TCTN2: variants seen among roughly 807,000 people sequenced by gnomAD.
TCTN2 encodes tectonic family member 2, also known as tectonic-2.
A neutral mutation model predicts 83.4 loss-of-function variants in TCTN2; 66 were observed. The ratio of observed to expected loss-of-function variants is 0.79; its 90% CI spans 0.65 to 0.97. The LOEUF is 0.97. Ranked by LOEUF, TCTN2 falls within the 50% of genes least tolerant of loss-of-function variation. The probability of loss-of-function intolerance (pLI) is 0.00; values close to 1 mark genes in which losing one functional copy is unlikely to be tolerated. For missense variants in TCTN2, 794 were observed against 858.1 expected (o/e 0.93, Z 0.93); for synonymous variants, 301 against 326.7 (o/e 0.92, Z 0.85).
chr12:123,697,786 G>A (rs1469965396), intron 13 of TCTN2, among the ~76,000 whole-genome samples: 1 of 151,614 alleles, frequency 6.6e-6, no homozygotes, highest in African/African-American at 2.4e-5. Context: ...AAGCCACCGC[G>A]CCTGGCCTCA....
intron 17 of TCTN2, chr12:123,707,383 A>G: frequency 1.6e-6 from 1 of 636,984 alleles, no homozygotes; most frequent in Non-Finnish European, 2.8e-6. Context: ...AGTAGCTGGG[A>G]TTACAGCACC....
chr12:123,671,370 T>C lies in TCTN2; in HGVS notation c.82+48T>C, dbSNP rs758293437. ...CTCGGTGGGCCGGGGCTGAGGGGAC[T>C]GGGCGTTAAAAGGGCCAGACTTGGA... is the stretch of plus-strand genomic sequence containing the variant. On this transcript the variant is annotated intron_variant, in intron 1 of 17. Transcript: ENST00000303372. 6 of 1,606,428 alleles carry C rather than the reference T, an allele frequency of 3.7e-6. No homozygotes were observed. In the South Asian group the frequency reaches 6.6e-5, roughly 18 times the overall value.
intron 5 of TCTN2, 147 bp from the exon 6 acceptor site, chr12:123,686,689 A>G (rs1289346643): frequency 3.9e-6 from 3 of 765,778 alleles, no homozygotes; most frequent in African/African-American, 1.7e-5. Context: ...TTGTGGGCAC[A>G]AGGCACTTTT....
intron 12 of TCTN2, 177 bp from the exon 13 acceptor site, chr12:123,696,910 G>A (rs184391191): frequency 9.9e-6 from 6 of 608,248 alleles, no homozygotes; most frequent in Admixed American, 5.5e-5. Context: ...GATCTGAGAA[G>A]TCTGATAAAG....
chr12:123,677,315 C>T (rs1593835340), intron 4 of TCTN2, among the ~76,000 whole-genome samples: 2 of 152,276 alleles, frequency 1.3e-5, no homozygotes, highest in African/African-American at 4.8e-5. Context: ...TATCATTGAC[C>T]TTCTGCTATG....
At chr12:123,687,393 C>T (rs1039132149) in intron 6 of TCTN2, among the ~76,000 whole-genome samples, 2 of 152,218 alleles carry the variant, frequency 1.3e-5, no homozygotes, top group African/African-American at 2.4e-5. Context: ...AGCGGTGGCT[C>T]ACGCCTGTAA....
chr12:123,704,544 CT>C lies in TCTN2; in HGVS notation c.1626del (p.Asp543IlefsTer11), dbSNP rs863225220. On this transcript the variant is annotated frameshift_variant, in exon 15 of 18. Coordinates refer to ENST00000303372, the MANE Select transcript of TCTN2 (RefSeq NM_024809.5). LOFTEE classifies it high-confidence loss of function. ...AACATTTCTATAGGTGTAGATGCCC[CT>C]GATCCAGGTGCAGACCCGCTGGCTA... ...GWLEIIRVDA[P>X]DPGADPLASS... 1.4e-5 allele frequency: 22 copies of C among 1,610,796 alleles called. No individual in the cohort carries two copies. Among genetic ancestry groups the C allele is most frequent in the Non-Finnish European group, 1.7e-5 (20 of 1,178,842 alleles).
chr12:123,695,914 G>T, intron 11 of TCTN2: 1 of 170,956 alleles, frequency 5.8e-6, no homozygotes, highest in South Asian at 1.4e-4. Flanking sequence ...CACGATTTGG[G>T]CTCACTGCAA....
chr12:123,696,571 C>A, intron 12 of TCTN2, 76 bp downstream of exon 12: 2 of 1,307,622 alleles, frequency 1.5e-6, no homozygotes, highest in South Asian at 1.2e-5. Context: ...TGAATCTAAT[C>A]AAGCAATCAA....
intron 9 of TCTN2, among the ~76,000 whole-genome samples, chr12:123,693,873 A>AAT (rs1372328682): frequency 1.3e-5 from 2 of 151,388 alleles, no homozygotes. Context: ...GCTGGAGTGC[A>AAT]ATAGGGTGAT....
chr12:123,671,207 G>T lies in TCTN2; in HGVS notation c.-34G>T. The T allele has an allele frequency of 1.9e-6, 3 of 1,597,470 alleles. No individual in the cohort carries two copies. The highest frequency in any genetic ancestry group is 2.6e-6 in the Non-Finnish European group (3 of 1,171,820). On this transcript the variant is annotated 5_prime_UTR_variant, in exon 1 of 18. Transcript: ENST00000303372. ...CCTTCCTGGGTTCTAATGAGGGCGC[G>T]GTTCTGCTGTGCCCGGCCCGCGAGG...
rs1956020709 is a variant in TCTN2 at position 123,689,836 on chromosome 12, G to A, written c.892-697G>A. On this transcript the variant is annotated intron_variant, in intron 7 of 17. Transcript: ENST00000303372. ...TGAATGAATGACAGGGTCTTGCTCT[G>A]TCGCCCAGGCTGGAGTGTAGTGAGT... 2.0e-5 allele frequency among the ~76,000 whole-genome samples: 3 copies of A among 152,204 alleles called. No homozygotes were observed. In the South Asian group the frequency reaches 6.2e-4, roughly 31 times the overall value.
At chr12:123,674,221 C>T (rs1448394043) in intron 4 of TCTN2, among the ~76,000 whole-genome samples, 1 of 151,764 alleles carries the variant, frequency 6.6e-6, no homozygotes, top group Non-Finnish European at 1.5e-5. Flanking sequence ...TCTTTATAAG[C>T]TACCTTGAAT....
At chr12:123,674,225 C>A (rs1955792359) in intron 4 of TCTN2, among the ~76,000 whole-genome samples, 1 of 151,354 alleles carries the variant, frequency 6.6e-6, no homozygotes, top group Admixed American at 6.6e-5. Context: ...TATAAGCTAC[C>A]TTGAATCCTT....
intron 8 of TCTN2, among the ~76,000 whole-genome samples, chr12:123,691,123 C>T (rs1956035914): frequency 6.6e-6 from 1 of 152,154 alleles, no homozygotes; most frequent in Admixed American, 6.6e-5. Context: ...CTCTCCTAGG[C>T]CTCCCAAAGT....
intron 9 of TCTN2, 138 bp downstream of exon 9, chr12:123,692,861 C>A: frequency 1.3e-6 from 1 of 761,706 alleles, no homozygotes; most frequent in Non-Finnish European, 2.3e-6. Context: ...CTGCCAGGAA[C>A]ATTTCATTTG....
chr12:123,703,489 ATTTTT>A (rs1956195961), intron 14 of TCTN2, among the ~76,000 whole-genome samples: 1 of 151,448 alleles, frequency 6.6e-6, no homozygotes, highest in Non-Finnish European at 1.5e-5. Flanking sequence ...ACTGATTTTT[ATTTTT>A]ATTTTTTGAG....
At chr12:123,694,437 C>A (rs1273641441) in intron 9 of TCTN2, among the ~76,000 whole-genome samples, 2 of 152,236 alleles carry the variant, frequency 1.3e-5, no homozygotes, top group African/African-American at 4.8e-5. Flanking sequence ...CAAATTTATT[C>A]ATTGGCTCAT....
At position 123,688,066 on chromosome 12, in the gene TCTN2, C is replaced by T. The variant is rs755565511; in HGVS notation, c.780C>T (p.Asp260=). The change falls in exon 7 of 18, where the codon GAC becomes GAT. Residue 260 remains aspartate (D), a synonymous_variant. Coordinates refer to ENST00000303372, the MANE Select transcript of TCTN2 (RefSeq NM_024809.5). ...TGATTTTCAGTTCCCCCAAACAGGACTCTTCCTTTGAAGTATATGTGGATA... is the reference window on the plus strand; with the variant it reads ...TGATTTTCAGTTCCCCCAAACAGGATTCTTCCTTTGAAGTATATGTGGATA... ...FYHGAVSPKQ[D]SSFEVYVDTD... is the part of the protein sequence containing the mutation. The T allele has an allele frequency of 5.6e-6, 9 of 1,613,982 alleles. No homozygotes were observed. The East Asian group carries it at 1.8e-4, about 32-fold the overall frequency.
Sources: allele counts gnomAD v4.1 joint callset (sites outside exome capture counted in the v4.1 genomes callset), GRCh38; gene constraint gnomAD v4.1.1; transcripts MANE v1.5; gene names NCBI Gene and HGNC (gene_info 2026-07-23, HGNC 2026-07-21).